RPH3A: variants seen among roughly 807,000 people sequenced by gnomAD.
RPH3A encodes the protein rabphilin-3A.
In RPH3A, 48 loss-of-function variants were observed where a neutral mutation model predicts 102.2. The observed-to-expected ratio is 0.47, with a 90% CI of 0.37 to 0.60. The LOEUF is 0.60. RPH3A is among the 20% of genes least tolerant of loss of function. RPH3A has a pLI of 0.00. For missense variants in RPH3A, 781 were observed against 910.1 expected, an observed-to-expected ratio of 0.86 and a Z score of 1.83; for synonymous variants, 310 against 324.3, an observed-to-expected ratio of 0.96 and a Z score of 0.47.
At chr12:112,818,307 T>TAAAAA (rs745954372) in intron 2 of RPH3A, among the ~76,000 whole-genome samples, 32 of 43,792 alleles carry the variant, frequency 7.3e-4, no homozygotes, top group African/African-American at 1.8e-3. Context: ...TCAAGAAGAA[T>TAAAAA]AAAAAAAAAA....
intron 1 of RPH3A, among the ~76,000 whole-genome samples, chr12:112,737,597 C>G (rs2040678862): frequency 6.6e-6 from 1 of 152,082 alleles, no homozygotes; most frequent in African/African-American, 2.4e-5. Context: ...GCTAGTTGAT[C>G]CTGCAGTTTT....
intron 5 of RPH3A, among the ~76,000 whole-genome samples, chr12:112,859,767 A>G (rs896431149): frequency 6.6e-5 from 10 of 152,230 alleles, no homozygotes; most frequent in Admixed American, 6.5e-5. Flanking sequence ...TTTAAAATGC[A>G]GGTTCCTAGG....
At chr12:112,827,981 C>T (rs912933480) in intron 2 of RPH3A, among the ~76,000 whole-genome samples, 1 of 152,086 alleles carries the variant, frequency 6.6e-6, no homozygotes, top group Non-Finnish European at 1.5e-5. Flanking sequence ...ACCCTGGATT[C>T]GAGTTAAGAA....
chr12:112,875,163 G>C lies in RPH3A; in HGVS notation c.876G>C (p.Gly292=). Residue 292 remains glycine (G), a synonymous_variant, in exon 11 of 22, where the codon GGG becomes GGC. Transcript: ENST00000389385. The part of the protein sequence containing the change: ...SVQSPAPPQP[G]QPGTPGGSRP... Reference sequence around the variant, plus strand: ...AGAGCCCAGCGCCACCTCAGCCTGGGCAGCCAGGTACCTGCCACTCACCTG... The same window carrying C: ...AGAGCCCAGCGCCACCTCAGCCTGGCCAGCCAGGTACCTGCCACTCACCTG... The C allele has an allele frequency of 6.2e-7, 1 of 1,600,184 alleles. No homozygotes were observed. The highest frequency in any genetic ancestry group is 8.5e-7 in the Non-Finnish European group (1 of 1,173,990).
intron 1 of RPH3A, among the ~76,000 whole-genome samples, chr12:112,656,743 G>C (rs1365437756): frequency 1.3e-5 from 2 of 152,020 alleles, no homozygotes; most frequent in Non-Finnish European, 2.9e-5. Flanking sequence ...TGCTGCGAAA[G>C]ACATGATTTC....
chr12:112,864,765 G>A (rs574769661), intron 5 of RPH3A, among the ~76,000 whole-genome samples: 9 of 152,284 alleles, frequency 5.9e-5, no homozygotes, highest in Admixed American at 4.6e-4. Context: ...GTCTTCCTGC[G>A]TTCTGTTCAC....
intron 2 of RPH3A, among the ~76,000 whole-genome samples, chr12:112,816,485 A>G (rs377605574): frequency 3.3e-4 from 51 of 152,274 alleles, no homozygotes; most frequent in African/African-American, 1.2e-3. Flanking sequence ...CTCTATCTTC[A>G]TATGTACATG....
At chr12:112,811,526 G>GA (rs2041575251) in intron 2 of RPH3A, among the ~76,000 whole-genome samples, 1 of 146,852 alleles carries the variant, frequency 6.8e-6, no homozygotes, top group South Asian at 2.2e-4. Flanking sequence ...GCACTAAATA[G>GA]AACCCCCCCC....
chr12:112,763,703 G>A (rs1310974846), intron 1 of RPH3A, among the ~76,000 whole-genome samples: 1 of 152,194 alleles, frequency 6.6e-6, no homozygotes, highest in Non-Finnish European at 1.5e-5. Flanking sequence ...CTTAATGTCT[G>A]TGTTGGTCAG....
intron 1 of RPH3A, among the ~76,000 whole-genome samples, chr12:112,713,103 T>TTCTTCTTCTTCTTCTTCTTCTTCTTC (rs2040491497): frequency 8.3e-6 from 1 of 119,870 alleles, no homozygotes; most frequent in Admixed American, 9.7e-5. Flanking sequence ...TCTTCTTCTT[T>TTCTTCTTCTTCTTCTTCTTCTTCTTC]TATTTTTTTG....
intron 1 of RPH3A, among the ~76,000 whole-genome samples, chr12:112,585,926 C>T (rs183508820): frequency 6.6e-6 from 1 of 152,126 alleles, no homozygotes; most frequent in Non-Finnish European, 1.5e-5. Flanking sequence ...TATGCAGATT[C>T]CTGGATCCCC....
chr12:112,745,794 C>T (rs1004896077), intron 1 of RPH3A, among the ~76,000 whole-genome samples: 2 of 152,180 alleles, frequency 1.3e-5, no homozygotes, highest in Non-Finnish European at 2.9e-5. Context: ...CATAGCTCAT[C>T]TTCCAGCAAT....
chr12:112,744,978 A>G (rs1358303832), intron 1 of RPH3A, among the ~76,000 whole-genome samples: 2 of 152,226 alleles, frequency 1.3e-5, no homozygotes, highest in African/African-American at 4.8e-5. Flanking sequence ...GCTTATTTTC[A>G]AAGTGTTTCA....
At chr12:112,768,928 A>G (rs1388162479) in intron 1 of RPH3A, among the ~76,000 whole-genome samples, 1 of 152,174 alleles carries the variant, frequency 6.6e-6, no homozygotes, top group Non-Finnish European at 1.5e-5. Flanking sequence ...ATGAAATAGC[A>G]TATATGAAAA....
intron 1 of RPH3A, among the ~76,000 whole-genome samples, chr12:112,759,496 T>C (rs2040840674): frequency 6.6e-6 from 1 of 152,042 alleles, no homozygotes; most frequent in South Asian, 2.1e-4. Context: ...AATTAGAGAG[T>C]GCTGCTTGAT....
chr12:112,818,519 T>C (rs1203158721), intron 2 of RPH3A, among the ~76,000 whole-genome samples: 2 of 152,096 alleles, frequency 1.3e-5, no homozygotes, highest in Non-Finnish European at 2.9e-5. Flanking sequence ...GCTATAGAAT[T>C]CTGTTCTATC....
intron 1 of RPH3A, among the ~76,000 whole-genome samples, chr12:112,663,719 A>G (rs1460019502): frequency 6.6e-6 from 1 of 152,142 alleles, no homozygotes; most frequent in Non-Finnish European, 1.5e-5. Flanking sequence ...TCTGTCATTC[A>G]AAATCAGGAG....
intron 1 of RPH3A, among the ~76,000 whole-genome samples, chr12:112,763,234 A>G (rs534504169): frequency 2.0e-5 from 3 of 152,214 alleles, no homozygotes; most frequent in Non-Finnish European, 2.9e-5. Context: ...TGTGCATTCA[A>G]TAAATGCTCA....
At chr12:112,692,457 A>G (rs1271849605) in intron 1 of RPH3A, among the ~76,000 whole-genome samples, 1 of 152,250 alleles carries the variant, frequency 6.6e-6, no homozygotes, top group Admixed American at 6.5e-5. Flanking sequence ...CAATTAAAAT[A>G]AAAGAAATTG....
Sources: allele counts gnomAD v4.1 joint callset (sites outside exome capture counted in the v4.1 genomes callset), GRCh38; gene constraint gnomAD v4.1.1; transcripts MANE v1.5; gene names NCBI Gene and HGNC (gene_info 2026-07-23, HGNC 2026-07-21).